The following HIVEP3 variants were observed in gnomAD, a reference collection of about 807,000 sequenced individuals.
HIVEP3 encodes HIVEP zinc finger 3, also known as transcription factor HIVEP3.
A neutral mutation model predicts 152.8 loss-of-function variants in HIVEP3; 49 were observed. The ratio of observed to expected loss-of-function variants is 0.32; its 90% confidence interval spans 0.26 to 0.41. HIVEP3 has a LOEUF of 0.41. Among genes scored for constraint, HIVEP3 ranks in the 10% least tolerant of loss-of-function variants. The pLI, the probability that HIVEP3 is intolerant of heterozygous loss-of-function variation, is 1.00. For synonymous variants in HIVEP3, 1,269 were observed against 1,289.0 expected, an observed-to-expected ratio of 0.98 and a Z score of 0.33; for missense variants, 2,790 against 3,103.3, an observed-to-expected ratio of 0.90 and a Z score of 2.40.
intron 1 of HIVEP3, among the ~76,000 whole-genome samples, chr1:41,718,813 C>CACGTAT (rs1646635777): frequency 6.6e-6 from 1 of 152,182 alleles, no homozygotes. Context: ...CACACACACA[C>CACGTAT]ACGTATGTGC....
At chr1:41,605,927 A>G (rs974008530) in intron 3 of HIVEP3, among the ~76,000 whole-genome samples, 17 of 152,248 alleles carry the variant, frequency 1.1e-4, no homozygotes, top group African/African-American at 3.9e-4. Flanking sequence ...TCTCACGGTC[A>G]TGATACATCT....
chr1:41,755,608 CAA>C (rs35879725), intron 1 of HIVEP3, among the ~76,000 whole-genome samples: 111,682 of 143,374 alleles, frequency 0.78, 47,713 homozygotes, highest in Non-Finnish European at 0.95. Flanking sequence ...ACACAGCAGT[CAA>C]AAAAAAAAAA....
chr1:41,800,455 T>C (rs1650236998), intron 1 of HIVEP3, among the ~76,000 whole-genome samples: 1 of 152,236 alleles, frequency 6.6e-6, no homozygotes, highest in South Asian at 2.1e-4. Context: ...AGCCAAGAGC[T>C]GGCACCAGGC....
intron 1 of HIVEP3, among the ~76,000 whole-genome samples, chr1:41,701,415 T>A (rs796297266): frequency 6.6e-6 from 1 of 152,324 alleles, no homozygotes; most frequent in African/African-American, 2.4e-5. Flanking sequence ...AATTGTTAGG[T>A]GTTGGTATCA....
chr1:41,573,705 TC>T (rs1218740402), intron 5 of HIVEP3, among the ~76,000 whole-genome samples: 1 of 152,106 alleles, frequency 6.6e-6, no homozygotes, highest in African/African-American at 2.4e-5. Context: ...CATGTTATTT[TC>T]CCCCTTTTAC....
At chr1:41,772,652 G>A (rs1648448919) in intron 1 of HIVEP3, among the ~76,000 whole-genome samples, 1 of 152,234 alleles carries the variant, frequency 6.6e-6, no homozygotes, top group Non-Finnish European at 1.5e-5. Flanking sequence ...GCTCATGCCT[G>A]TAATCCCAGC....
intron 1 of HIVEP3, among the ~76,000 whole-genome samples, chr1:42,024,792 C>T (rs185030438): frequency 6.6e-6 from 1 of 152,190 alleles, no homozygotes. Context: ...GGCAAAGTCA[C>T]TAAAGTGGTG....
At chr1:41,887,012 CA>C (rs974796070) in intron 1 of HIVEP3, among the ~76,000 whole-genome samples, 1 of 150,108 alleles carries the variant, frequency 6.7e-6, no homozygotes, top group African/African-American at 2.5e-5. Flanking sequence ...GGCAGTAAAA[CA>C]AAAAAAAGTG....
At position 41,664,723 on chromosome 1, in the gene HIVEP3, G is replaced by A. The variant is rs1645767581; in HGVS notation, c.-720-35776C>T. 6.6e-6 allele frequency among the ~76,000 whole-genome samples: 1 copy of A among 152,222 alleles called. No individual in the cohort carries two copies. Among genetic ancestry groups the A allele is most frequent in the Non-Finnish European group, 1.5e-5 (1 of 68,042 alleles). On this transcript the variant is annotated intron_variant, in intron 2 of 8. Coordinates refer to ENST00000372583, the MANE Select transcript of HIVEP3 (RefSeq NM_024503.5). This position sits in a 1 kb window ranked among gnomAD's most constrained non-coding sequence, Gnocchi z 4.4. Reference sequence around the variant, plus strand: ...CAGTGGCTGATGTCCTAGGGTCCCTGGCTGGGGGCTGGGATGAAAGGCGGG... The same window carrying A: ...CAGTGGCTGATGTCCTAGGGTCCCTAGCTGGGGGCTGGGATGAAAGGCGGG...
At chr1:41,993,287 T>G (rs1230439348) in intron 1 of HIVEP3, among the ~76,000 whole-genome samples, 1 of 150,954 alleles carries the variant, frequency 6.6e-6, no homozygotes, top group Non-Finnish European at 1.5e-5. Context: ...TACAATGAAC[T>G]CAAACAAATT....
At position 41,559,845 on chromosome 1, in the gene HIVEP3, G is replaced by A. The variant is rs115595650; in HGVS notation, c.5207+15699C>T. On this transcript the variant is annotated intron_variant, in intron 5 of 8. Coordinates refer to ENST00000372583, the MANE Select transcript of HIVEP3 (RefSeq NM_024503.5). ...CTGAGTTTTATGAAGCACTTACTAT[G>A]TGCCACGTACCGTGAGTACTTCATA... 9.5e-3 allele frequency among the ~76,000 whole-genome samples: 1,452 copies of A among 152,334 alleles called. 22 individuals carry two copies. Among genetic ancestry groups the A allele is most frequent in the African/African-American group, 0.033 (1,370 of 41,558 alleles).
At chr1:41,767,586 G>T (rs1031134042) in intron 1 of HIVEP3, among the ~76,000 whole-genome samples, 4 of 152,200 alleles carry the variant, frequency 2.6e-5, no homozygotes, top group African/African-American at 7.2e-5. Context: ...ACCTGGCTCT[G>T]TATCAGGACT....
chr1:41,824,734 C>A (rs1642707796), intron 1 of HIVEP3, among the ~76,000 whole-genome samples: 3 of 120,006 alleles, frequency 2.5e-5, no homozygotes, highest in Admixed American at 1.8e-4. Context: ...AAGCCCTGTT[C>A]CAAGTTAAAT....
intron 5 of HIVEP3, among the ~76,000 whole-genome samples, chr1:41,553,920 C>T (rs1218713225): frequency 6.6e-6 from 1 of 152,138 alleles, no homozygotes; most frequent in African/African-American, 2.4e-5. Context: ...TCTCTGGCTG[C>T]CCTTAATATT....
At chr1:41,549,428 A>G (rs1173768435) in intron 5 of HIVEP3, among the ~76,000 whole-genome samples, 1 of 152,198 alleles carries the variant, frequency 6.6e-6, no homozygotes, top group African/African-American at 2.4e-5. Context: ...TTCTAATTCT[A>G]GATCTTTGAG....
At chr1:41,798,708 A>G (rs375752446) in intron 1 of HIVEP3, among the ~76,000 whole-genome samples, 2 of 151,966 alleles carry the variant, frequency 1.3e-5, no homozygotes, top group African/African-American at 2.4e-5. Context: ...TAAATAATCT[A>G]TTGTGTGTTT....
intron 1 of HIVEP3, among the ~76,000 whole-genome samples, chr1:41,876,458 C>G (rs964867872): frequency 5.3e-5 from 8 of 152,124 alleles, no homozygotes; most frequent in African/African-American, 1.9e-4. Flanking sequence ...ATAATAGAAC[C>G]TGTTTCAGAG....
chr1:41,825,259 AG>A (rs1642765403), intron 1 of HIVEP3, among the ~76,000 whole-genome samples: 1 of 152,092 alleles, frequency 6.6e-6, no homozygotes, highest in Admixed American at 6.5e-5. Context: ...TACATTCACG[AG>A]GGCGGGGAGG....
intron 1 of HIVEP3, among the ~76,000 whole-genome samples, chr1:41,794,261 C>T (rs1271410683): frequency 2.0e-5 from 3 of 152,120 alleles, no homozygotes; most frequent in East Asian, 1.9e-4. Flanking sequence ...CACCAGATTT[C>T]GAGAGACTTA....
Sources: allele counts gnomAD v4.1 joint callset (sites outside exome capture counted in the v4.1 genomes callset), GRCh38; gene constraint gnomAD v4.1.1; non-coding constraint Gnocchi (gnomAD v3.1); transcripts MANE v1.5; gene names NCBI Gene and HGNC (gene_info 2026-07-23, HGNC 2026-07-21).